Variants in PCDHGB4 observed in about 807,000 individuals in gnomAD.
The protein encoded by PCDHGB4 is protocadherin gamma subfamily B, 4.
PCDHGB4 carries 38 observed loss-of-function variants against 60.5 expected under a neutral mutation model. The ratio of observed to expected loss-of-function variants is 0.63; its 90% CI spans 0.48 to 0.82. The LOEUF is 0.82. Ranked by LOEUF, PCDHGB4 falls within the 40% of genes least tolerant of loss-of-function variation. PCDHGB4 has a pLI of 0.00. For synonymous variants in PCDHGB4, 456 were observed against 509.7 expected, an observed-to-expected ratio of 0.89 and a Z score of 1.42; for missense variants, 1,109 against 1,209.6, an observed-to-expected ratio of 0.92 and a Z score of 1.23.
intron 3 of PCDHGB4, among the ~76,000 whole-genome samples, chr5:141,507,777 CT>C (rs1213538221): frequency 6.6e-6 from 1 of 152,220 alleles, no homozygotes; most frequent in Admixed American, 6.5e-5. Context: ...CACACAGGGC[CT>C]GACCCTCGTC....
chr5:141,510,847 A>C (rs1279701390), intron 3 of PCDHGB4, 100 bp from the exon 4 acceptor site: 1 of 1,595,232 alleles, frequency 6.3e-7, no homozygotes, highest in Non-Finnish European at 8.6e-7. Context: ...GTCAAGGCCC[A>C]GGGTGCTGTA....
intron 1 of PCDHGB4, chr5:141,392,803 G>A: frequency 6.4e-7 from 1 of 1,573,156 alleles, no homozygotes. Context: ...GGATTCTGCA[G>A]CAAAACAACA....
intron 2 of PCDHGB4, among the ~76,000 whole-genome samples, chr5:141,500,892 G>GAT (rs1036007799): frequency 1.1e-5 from 1 of 88,010 alleles, no homozygotes; most frequent in African/African-American, 7.1e-5. Flanking sequence ...TTTTTTTTGA[G>GAT]ACAGTCTCGC....
intron 1 of PCDHGB4, chr5:141,394,160 T>G (rs749389529): frequency 1.7e-5 from 27 of 1,613,534 alleles, no homozygotes; most frequent in Non-Finnish European, 2.3e-5. Flanking sequence ...ACGACAACCC[T>G]CCTACTTTCC....
At position 141,477,866 on chromosome 5, in the gene PCDHGB4, A is replaced by G; in HGVS notation, c.2398-16941A>G. ...CTCGGTGGAGATGCTGCCTCGAGGT[A>G]CCTCAGCTGGCCACCTAGTGTCACG... On this transcript the variant is annotated intron_variant, in intron 1 of 3. Coordinates refer to ENST00000519479, the MANE Select transcript of PCDHGB4 (RefSeq NM_003736.4). This position sits in a 1 kb window ranked among gnomAD's most constrained non-coding sequence, Gnocchi z 4.9. 1 of 1,614,072 alleles carries G rather than the reference A, an allele frequency of 6.2e-7. No homozygotes were observed. Among genetic ancestry groups the G allele is most frequent in the Non-Finnish European group, 8.5e-7 (1 of 1,179,988 alleles).
At chr5:141,404,518 T>C (rs775647026) in intron 1 of PCDHGB4, 16 of 1,613,656 alleles carry the variant, frequency 9.9e-6, no homozygotes, top group Non-Finnish European at 1.4e-5. Flanking sequence ...CCTTTGACTA[T>C]GAGCAGTTTA....
At chr5:141,504,240 G>A (rs1275204117) in intron 2 of PCDHGB4, among the ~76,000 whole-genome samples, 1 of 152,182 alleles carries the variant, frequency 6.6e-6, no homozygotes, top group Non-Finnish European at 1.5e-5. Context: ...AAGAAGCAGA[G>A]AGTTCTTCTT....
chr5:141,439,445 G>T (rs1030957687), intron 1 of PCDHGB4, among the ~76,000 whole-genome samples: 1 of 152,102 alleles, frequency 6.6e-6, no homozygotes, highest in Non-Finnish European at 1.5e-5. Context: ...ATTTTATTGC[G>T]GGAGCAAGAC....
At position 141,432,252 on chromosome 5, in the gene PCDHGB4, G is replaced by A. The variant is rs749107567; in HGVS notation, c.2397+41971G>A. 3.7e-6 allele frequency: 6 copies of A among 1,614,220 alleles called. No homozygotes were observed. The highest frequency in any genetic ancestry group is 5.1e-6 in the Non-Finnish European group (6 of 1,180,042). ...TCCCTGGCTGAGAACACCATCCAAG[G>A]GGCAAGCCTATCGTCCTACGTGTCC... On this transcript the variant is annotated intron_variant, in intron 1 of 3. Coordinates refer to ENST00000519479, the MANE Select transcript of PCDHGB4 (RefSeq NM_003736.4). The surrounding 1 kb of genome is among the most constrained non-coding windows in gnomAD (Gnocchi z 6.0).
chr5:141,505,324 G>A, intron 2 of PCDHGB4, 69 bp from the exon 3 acceptor site: 2 of 1,607,104 alleles, frequency 1.2e-6, no homozygotes, highest in African/African-American at 1.3e-5. Context: ...GGAGCCCTGG[G>A]AGAGGACAGG....
intron 2 of PCDHGB4, among the ~76,000 whole-genome samples, chr5:141,501,966 C>A (rs1046026111): frequency 1.3e-5 from 2 of 152,118 alleles, no homozygotes; most frequent in African/African-American, 4.8e-5. Context: ...ATCCTCCTAA[C>A]CTCTGGCATC....
intron 1 of PCDHGB4, among the ~76,000 whole-genome samples, chr5:141,453,679 T>C (rs960698192): frequency 2.0e-5 from 3 of 152,230 alleles, no homozygotes; most frequent in Non-Finnish European, 2.9e-5. Context: ...GGTAACACAC[T>C]ATGTAGGTAG....
rs754728562 is a variant in PCDHGB4, at chr5:141,489,487, G to A, written c.2398-5320G>A. 6.2e-7 allele frequency: 1 copy of A among 1,613,942 alleles called. No individual in the cohort carries two copies. On this transcript the variant is annotated intron_variant, in intron 1 of 3. Coordinates refer to ENST00000519479, the MANE Select transcript of PCDHGB4 (RefSeq NM_003736.4). This position sits in a 1 kb window ranked among gnomAD's most constrained non-coding sequence, Gnocchi z 4.5. The stretch of plus-strand genomic sequence containing the variant: ...TTTTTCCCTGAGCTTGATGAGTGGT[G>A]CCCTGGCAGTGAATCAAAAGATTGA...
chr5:141,501,852 A>G (rs922276780), intron 2 of PCDHGB4, among the ~76,000 whole-genome samples: 2 of 151,924 alleles, frequency 1.3e-5, no homozygotes, highest in African/African-American at 4.8e-5. Context: ...TCAACCTTCA[A>G]CCATTTCCCA....
chr5:141,395,080 A>G, intron 1 of PCDHGB4: 1 of 1,614,088 alleles, frequency 6.2e-7, no homozygotes, highest in Non-Finnish European at 8.5e-7. Flanking sequence ...TATTCCCAGG[A>G]AGTCTCCCTC....
chr5:141,432,014 A>G lies in PCDHGB4; in HGVS notation c.2397+41733A>G, dbSNP rs778393699. The G allele has an allele frequency of 1.5e-5, 25 of 1,614,078 alleles. No individual in the cohort carries two copies. The highest frequency in any genetic ancestry group is 2.0e-5 in the Non-Finnish European group (24 of 1,180,036). ...GGATAGGGAACAGGTTCCTAGCTAC[A>G]ACATCACAGTGACCGCCACTGACCG... On this transcript the variant is annotated intron_variant, in intron 1 of 3. Coordinates refer to ENST00000519479, the MANE Select transcript of PCDHGB4 (RefSeq NM_003736.4). This position sits in a 1 kb window ranked among gnomAD's most constrained non-coding sequence, Gnocchi z 6.0.
At chr5:141,435,875 T>C (rs1324511823) in intron 1 of PCDHGB4, among the ~76,000 whole-genome samples, 1 of 152,100 alleles carries the variant, frequency 6.6e-6, no homozygotes, top group African/African-American at 2.4e-5. Flanking sequence ...AGAAAAGAGA[T>C]TGGAAACCCC....
rs911954966 is a variant in PCDHGB4, at chr5:141,491,081, C to G, written c.2398-3726C>G. On this transcript the variant is annotated intron_variant, in intron 1 of 3. Coordinates refer to ENST00000519479, the MANE Select transcript of PCDHGB4 (RefSeq NM_003736.4). This position sits in a 1 kb window ranked among gnomAD's most constrained non-coding sequence, Gnocchi z 6.9. ...TCCTACTCACTGTTGCCACAGTCCACAGCCCCAGGACTGTTCCTCGTGTCT... is the reference window on the plus strand; with the variant it reads ...TCCTACTCACTGTTGCCACAGTCCAGAGCCCCAGGACTGTTCCTCGTGTCT... The G allele has an allele frequency of 4.3e-6, 7 of 1,614,176 alleles. No individual in the cohort carries two copies. Among genetic ancestry groups the G allele is most frequent in the Non-Finnish European group, 5.9e-6 (7 of 1,180,010 alleles).
chr5:141,415,507 A>G, intron 1 of PCDHGB4: 1 of 1,614,156 alleles, frequency 6.2e-7, no homozygotes, highest in Admixed American at 1.7e-5. Context: ...CCCCCAGCCC[A>G]ATTATGCGGA....
Sources: allele counts gnomAD v4.1 joint callset (sites outside exome capture counted in the v4.1 genomes callset), GRCh38; gene constraint gnomAD v4.1.1; non-coding constraint Gnocchi (gnomAD v3.1); transcripts MANE v1.5; gene names NCBI Gene and HGNC (gene_info 2026-07-23, HGNC 2026-07-21).